Variants in NRG3 observed in about 807,000 individuals in gnomAD.
NRG3 encodes the protein pro-neuregulin-3, membrane-bound isoform.
In NRG3, 31 loss-of-function variants were observed where a neutral mutation model predicts 66.9. The ratio of observed to expected loss-of-function variants is 0.46; its 90% CI spans 0.35 to 0.63. The LOEUF (loss-of-function observed/expected upper bound fraction) is 0.63, where lower values mean the gene tolerates loss of function less well. Among genes scored for constraint, NRG3 ranks in the 20% least tolerant of loss-of-function variants. The pLI is 0.00. For missense variants in NRG3, 910 were observed against 878.9 expected, an observed-to-expected ratio of 1.04 and a Z score of -0.45; for synonymous variants, 393 against 359.4, an observed-to-expected ratio of 1.09 and a Z score of -1.06.
intron 1 of NRG3, among the ~76,000 whole-genome samples, chr10:82,088,179 T>A (rs1220001886): frequency 3.3e-5 from 5 of 152,262 alleles, no homozygotes; most frequent in Admixed American, 3.3e-4. Flanking sequence ...TTCTTTTTCT[T>A]TTACATCTTT....
At chr10:82,358,997 G>C in intron 2 of NRG3, 129 bp downstream of exon 2, 1 of 1,313,796 alleles carries the variant, frequency 7.6e-7, no homozygotes, top group Non-Finnish European at 1.0e-6. Flanking sequence ...TAGCAGAATT[G>C]CGAGTCTTAA....
At chr10:82,255,450 GT>G (rs762262878) in intron 1 of NRG3, among the ~76,000 whole-genome samples, 71 of 152,158 alleles carry the variant, frequency 4.7e-4, no homozygotes, top group Non-Finnish European at 8.7e-4. Context: ...TTCATTCACA[GT>G]GGGAAATACA....
chr10:82,626,865 G>T lies in NRG3; in HGVS notation c.954-111712G>T, dbSNP rs187368402. Reference sequence around the variant, plus strand: ...CTGAGTTTCCTCTATCAGACTCACAGTTGACCTGTTAACATAGGTCATGCT... The same window carrying T: ...CTGAGTTTCCTCTATCAGACTCACATTTGACCTGTTAACATAGGTCATGCT... On this transcript the variant is annotated intron_variant, in intron 2 of 8. Coordinates refer to ENST00000372141, the MANE Select transcript of NRG3 (RefSeq NM_001010848.4). Among the ~76,000 whole-genome samples the T allele has an allele frequency of 2.4e-3, 371 of 152,128 alleles. 2 individuals carry two copies. The highest frequency in any genetic ancestry group is 8.4e-3 in the African/African-American group (349 of 41,494).
intron 1 of NRG3, among the ~76,000 whole-genome samples, chr10:82,313,049 A>T (rs1456489825): frequency 1.3e-5 from 2 of 152,118 alleles, no homozygotes; most frequent in African/African-American, 4.8e-5. Context: ...GTGGTGGTGC[A>T]CACCTGTAGT....
intron 2 of NRG3, among the ~76,000 whole-genome samples, chr10:82,619,092 C>T (rs984914583): frequency 5.3e-5 from 8 of 151,636 alleles, no homozygotes; most frequent in African/African-American, 1.9e-4. Flanking sequence ...TCATGTTGGG[C>T]CAAAGTATTA....
At chr10:82,350,056 G>A (rs577195483) in intron 1 of NRG3, among the ~76,000 whole-genome samples, 5 of 152,190 alleles carry the variant, frequency 3.3e-5, no homozygotes, top group South Asian at 4.1e-4. Flanking sequence ...TGTAGACCAG[G>A]GCTGTTCCTA....
intron 1 of NRG3, among the ~76,000 whole-genome samples, chr10:82,038,173 G>T (rs903049036): frequency 1.3e-5 from 2 of 152,100 alleles, no homozygotes; most frequent in African/African-American, 4.8e-5. Context: ...CCAACATTAA[G>T]AGTTCTGAGC....
chr10:82,145,940 A>G (rs1411280834), intron 1 of NRG3, among the ~76,000 whole-genome samples: 1 of 152,122 alleles, frequency 6.6e-6, no homozygotes, highest in Non-Finnish European at 1.5e-5. Flanking sequence ...AGGTCAGTGA[A>G]CCATACAGAA....
intron 1 of NRG3, among the ~76,000 whole-genome samples, chr10:82,170,806 A>T (rs927858085): frequency 6.7e-6 from 1 of 150,182 alleles, no homozygotes; most frequent in African/African-American, 2.4e-5. Context: ...TTCAGTTTTG[A>T]TAGTATTGTG....
At chr10:82,054,898 G>T (rs1286552087) in intron 1 of NRG3, among the ~76,000 whole-genome samples, 2 of 152,022 alleles carry the variant, frequency 1.3e-5, no homozygotes, top group African/African-American at 2.4e-5. Context: ...TACTAAGGAG[G>T]CTGAGGCAGG....
At chr10:82,030,936 T>C (rs1208710370) in intron 1 of NRG3, among the ~76,000 whole-genome samples, 3 of 152,054 alleles carry the variant, frequency 2.0e-5, no homozygotes, top group Non-Finnish European at 4.4e-5. Context: ...TAGGTAAAGG[T>C]AGAAATAATT....
intron 4 of NRG3, among the ~76,000 whole-genome samples, chr10:82,896,275 T>C (rs1843657607): frequency 6.6e-6 from 1 of 152,180 alleles, no homozygotes; most frequent in Non-Finnish European, 1.5e-5. Context: ...TACCACACCA[T>C]TTACTCATGA....
intron 1 of NRG3, among the ~76,000 whole-genome samples, chr10:82,295,295 A>T (rs2079993922): frequency 6.6e-6 from 1 of 152,214 alleles, no homozygotes; most frequent in Non-Finnish European, 1.5e-5. Flanking sequence ...AAAAGGACAA[A>T]GATGGATGAT....
At chr10:82,108,440 C>T (rs11192544) in intron 1 of NRG3, among the ~76,000 whole-genome samples, 8,084 of 152,176 alleles carry the variant, frequency 0.053, 386 homozygotes, top group East Asian at 0.25. Context: ...CTGTGAGGAG[C>T]TGGAGATAAA....
intron 2 of NRG3, among the ~76,000 whole-genome samples, chr10:82,486,206 G>A (rs762943626): frequency 3.9e-5 from 6 of 152,226 alleles, no homozygotes; most frequent in Non-Finnish European, 5.9e-5. Flanking sequence ...TATATTATTG[G>A]TGGGACTGTA....
At chr10:82,838,908 C>T (rs987364360) in intron 3 of NRG3, among the ~76,000 whole-genome samples, 3 of 151,990 alleles carry the variant, frequency 2.0e-5, no homozygotes, top group African/African-American at 4.8e-5. Flanking sequence ...ACAATCATGG[C>T]GGAAGGCTTG....
intron 6 of NRG3, among the ~76,000 whole-genome samples, chr10:82,968,539 T>A (rs932829816): frequency 6.6e-6 from 1 of 152,206 alleles, no homozygotes; most frequent in African/African-American, 2.4e-5. Flanking sequence ...ATTCTGTTTA[T>A]GAGTGTTATC....
chr10:82,059,688 G>A (rs1472526335), intron 1 of NRG3, among the ~76,000 whole-genome samples: 1 of 151,950 alleles, frequency 6.6e-6, no homozygotes, highest in Non-Finnish European at 1.5e-5. Context: ...CCTCTCAGCT[G>A]GTCTTCCCAG....
chr10:81,950,877 T>A (rs971591225), intron 1 of NRG3, among the ~76,000 whole-genome samples: 4 of 152,214 alleles, frequency 2.6e-5, no homozygotes, highest in African/African-American at 9.6e-5. Context: ...TTTATTTGAA[T>A]ACATATTATT....
Sources: gnomAD v4.1 joint callset for allele counts (sites outside exome capture counted in the v4.1 genomes callset) on GRCh38, gnomAD v4.1.1 for gene constraint, MANE v1.5 for transcripts, NCBI Gene and HGNC (gene_info 2026-07-23, HGNC 2026-07-21) for gene names.